NXPE2: variants seen among roughly 807,000 people sequenced by gnomAD.
The protein encoded by NXPE2 is NXPE family member 2.
NXPE2 carries 34 observed loss-of-function variants against 34.4 expected under a neutral mutation model. The ratio of observed to expected loss-of-function variants is 0.99; its 90% CI spans 0.75 to 1.31. The LOEUF (loss-of-function observed/expected upper bound fraction) is 1.31. NXPE2 is among the 40% of genes most tolerant of loss of function. The pLI is 0.00. For synonymous variants in NXPE2, 235 were observed against 231.3 expected (o/e 1.02, Z -0.15); for missense variants, 649 against 672.5 (o/e 0.97, Z 0.39).
the NXPE2 span, among the ~76,000 whole-genome samples, chr11:114,602,586 T>G: frequency 1.4e-5 from 2 of 140,468 alleles, no homozygotes; most frequent in South Asian, 2.3e-4. Context: ...ATCTCATATA[T>G]AAATTACAGA....
chr11:114,675,696 C>G (rs990265887), upstream of NXPE2, among the ~76,000 whole-genome samples: 7 of 151,792 alleles, frequency 4.6e-5, no homozygotes, highest in African/African-American at 1.7e-4. Flanking sequence ...ACAGATTTAA[C>G]GTCATCTTTA....
At chr11:114,469,475 A>C in the NXPE2 span, among the ~76,000 whole-genome samples, 1 of 151,990 alleles carries the variant, frequency 6.6e-6, no homozygotes, top group Non-Finnish European at 1.5e-5. Flanking sequence ...AAACTGCACA[A>C]ATTTGAAGTA....
chr11:114,586,914 A>T, the NXPE2 span, among the ~76,000 whole-genome samples: 1 of 151,964 alleles, frequency 6.6e-6, no homozygotes, highest in Non-Finnish European at 1.5e-5. Flanking sequence ...AGCTCATGGG[A>T]TTGCCGTTTT....
the NXPE2 span, among the ~76,000 whole-genome samples, chr11:114,811,632 C>T: frequency 6.6e-6 from 1 of 152,172 alleles, no homozygotes; most frequent in East Asian, 1.9e-4. Flanking sequence ...AGGACTCCAG[C>T]CTCCACACTG....
chr11:114,497,284 A>G, the NXPE2 span, among the ~76,000 whole-genome samples: 1 of 152,228 alleles, frequency 6.6e-6, no homozygotes, highest in African/African-American at 2.4e-5. Flanking sequence ...GAAAGCTTAT[A>G]AAGATATAAA....
chr11:114,531,933 G>A, the NXPE2 span, among the ~76,000 whole-genome samples: 1 of 152,136 alleles, frequency 6.6e-6, no homozygotes, highest in African/African-American at 2.4e-5. Flanking sequence ...TTAAAAATAT[G>A]CACTCTTAGG....
At chr11:114,811,033 T>C in the NXPE2 span, among the ~76,000 whole-genome samples, 9 of 151,872 alleles carry the variant, frequency 5.9e-5, no homozygotes, top group South Asian at 2.1e-4. Flanking sequence ...ATGTCCTTTG[T>C]AGGGACATGG....
chr11:114,758,974 C>T, the NXPE2 span, among the ~76,000 whole-genome samples: 1 of 151,880 alleles, frequency 6.6e-6, no homozygotes, highest in East Asian at 1.9e-4. Flanking sequence ...AATTTTACCC[C>T]AATTTCTGTT....
At chr11:114,777,783 T>C in the NXPE2 span, among the ~76,000 whole-genome samples, 1 of 152,208 alleles carries the variant, frequency 6.6e-6, no homozygotes, top group Non-Finnish European at 1.5e-5. Flanking sequence ...GCTTTGAGAG[T>C]ATCTGACCTC....
the NXPE2 span, among the ~76,000 whole-genome samples, chr11:114,558,826 G>A: frequency 6.6e-6 from 1 of 152,122 alleles, no homozygotes; most frequent in African/African-American, 2.4e-5. Context: ...ATTCATTCTG[G>A]ATACATCACA....
At chr11:114,743,583 T>C in the NXPE2 span, among the ~76,000 whole-genome samples, 3 of 152,144 alleles carry the variant, frequency 2.0e-5, no homozygotes, top group African/African-American at 4.8e-5. Context: ...AGTTTAATAA[T>C]GTAGATGCTA....
chr11:114,530,094 C>T, the NXPE2 span: 38 of 1,399,678 alleles, frequency 2.7e-5, no homozygotes, highest in Non-Finnish European at 3.4e-5. Flanking sequence ...GAGTCATGCT[C>T]AATGTTGCAA....
chr11:114,802,633 A>AT, the NXPE2 span, among the ~76,000 whole-genome samples: 1 of 151,860 alleles, frequency 6.6e-6, no homozygotes. Flanking sequence ...TTTAATAATT[A>AT]TTTTTTTCTT....
chr11:114,525,862 A>G, the NXPE2 span, among the ~76,000 whole-genome samples: 1 of 152,182 alleles, frequency 6.6e-6, no homozygotes, highest in Admixed American at 6.5e-5. Flanking sequence ...TTTGGAAGTT[A>G]ATCCACTGGG....
the NXPE2 span, among the ~76,000 whole-genome samples, chr11:114,729,096 C>T: frequency 2.0e-5 from 3 of 151,880 alleles, no homozygotes; most frequent in African/African-American, 4.8e-5. Flanking sequence ...TAGTAGTCCC[C>T]ACTATTGTTG....
At chr11:114,562,824 C>G in the NXPE2 span, among the ~76,000 whole-genome samples, 1 of 152,172 alleles carries the variant, frequency 6.6e-6, no homozygotes, top group Non-Finnish European at 1.5e-5. Context: ...TCTCTCTAAG[C>G]CTGTAGGCTC....
At chr11:114,574,383 A>G in the NXPE2 span, among the ~76,000 whole-genome samples, 2 of 152,098 alleles carry the variant, frequency 1.3e-5, no homozygotes, top group Non-Finnish European at 2.9e-5. Context: ...TGAAACTGAA[A>G]CAAAAGTAAT....
the NXPE2 span, among the ~76,000 whole-genome samples, chr11:114,645,947 C>G: frequency 1.3e-5 from 2 of 151,986 alleles, no homozygotes; most frequent in Non-Finnish European, 2.9e-5. Context: ...TTGGCAACAT[C>G]TAGTAAAATT....
the NXPE2 span, among the ~76,000 whole-genome samples, chr11:114,772,979 A>C: frequency 6.6e-6 from 1 of 152,130 alleles, no homozygotes; most frequent in African/African-American, 2.4e-5. Flanking sequence ...TATTCTTTTC[A>C]GCCTTCTCTA....
Sources: gnomAD v4.1 joint callset for allele counts (sites outside exome capture counted in the v4.1 genomes callset) on GRCh38, gnomAD v4.1.1 for gene constraint, MANE v1.5 for transcripts, NCBI Gene and HGNC (gene_info 2026-07-23, HGNC 2026-07-21) for gene names.